Variants in ANKRD27 observed in about 807,000 individuals in gnomAD.
ANKRD27 encodes ankyrin repeat domain 27.
Under a neutral mutation model 129.7 loss-of-function variants are expected in ANKRD27, and 112 were observed. That is an observed-to-expected ratio of 0.86 (90% CI 0.74 to 1.01). ANKRD27 has a LOEUF of 1.01. Among genes scored for constraint, ANKRD27 ranks in the 50% least tolerant of loss-of-function variants. ANKRD27 has a pLI of 0.00. For synonymous variants in ANKRD27, 516 were observed against 511.2 expected, an observed-to-expected ratio of 1.01 and a Z score of -0.13; for missense variants, 1,258 against 1,300.5, an observed-to-expected ratio of 0.97 and a Z score of 0.50.
intron 1 of ANKRD27, among the ~76,000 whole-genome samples, chr19:32,662,210 G>T (rs982720356): frequency 6.7e-6 from 1 of 149,630 alleles, no homozygotes; most frequent in Admixed American, 6.8e-5. Context: ...TGCCTGGGAG[G>T]CTGAGGCAAA....
chr19:32,651,428 G>A (rs963237872), intron 2 of ANKRD27, among the ~76,000 whole-genome samples: 1 of 152,050 alleles, frequency 6.6e-6, no homozygotes. Context: ...GGAGTGCAGT[G>A]GCGTGATCTC....
At chr19:32,633,676 T>A (rs1967040849) in intron 12 of ANKRD27, among the ~76,000 whole-genome samples, 1 of 151,756 alleles carries the variant, frequency 6.6e-6, no homozygotes. Flanking sequence ...AACTCTAGAG[T>A]CATCCCAGTA....
In ANKRD27 at chr19:32,600,309, G is replaced by A. The variant is rs1599729846; in HGVS notation, c.2768-259C>T. On this transcript the variant is annotated intron_variant, in intron 26 of 28. Transcript: ENST00000306065. ...AATCCCAGCAGTTTGGGAGGCCGAG[G>A]TGGGCATATCACTTGAGGTCAGGAG... 4.1e-5 allele frequency: 13 copies of A among 317,380 alleles called. No homozygotes were observed. The South Asian group carries it at 4.7e-4, about 11-fold the overall frequency. 19.7% of individuals were successfully genotyped at this position (317,380 alleles called of 1,614,324 possible). A position where few individuals can be genotyped will look rare whatever the true frequency, so the allele number is the denominator to read the frequency against.
intron 24 of ANKRD27, among the ~76,000 whole-genome samples, chr19:32,605,497 T>G (rs2145258637): frequency 6.6e-6 from 1 of 152,306 alleles, no homozygotes; most frequent in African/African-American, 2.4e-5. Flanking sequence ...TTCTAATGCA[T>G]TCACATAACC....
intron 20 of ANKRD27, among the ~76,000 whole-genome samples, chr19:32,618,707 C>T (rs916134446): frequency 1.3e-5 from 2 of 151,994 alleles, no homozygotes; most frequent in Admixed American, 6.6e-5. Context: ...GGGGGGCCAT[C>T]GAAGGTGGTA....
intron 15 of ANKRD27, among the ~76,000 whole-genome samples, chr19:32,627,638 T>A: frequency 6.6e-6 from 1 of 152,156 alleles, no homozygotes; most frequent in Non-Finnish European, 1.5e-5. Context: ...CCTCAAGTGA[T>A]TTGCCTGCCT....
intron 25 of ANKRD27, 59 bp from the exon 26 acceptor site, chr19:32,602,185 A>G (rs1971663879): frequency 9.0e-7 from 1 of 1,114,568 alleles, no homozygotes; most frequent in East Asian, 2.4e-5. Context: ...ATAGGTTATT[A>G]TTTGTTTTTG....
intron 22 of ANKRD27, 54 bp downstream of exon 22, chr19:32,615,604 A>G: frequency 1.2e-6 from 2 of 1,613,750 alleles, no homozygotes; most frequent in East Asian, 2.2e-5. Flanking sequence ...AACAAAAACA[A>G]AAACAAAAAT....
chr19:32,649,848 A>C (rs1390973360), intron 2 of ANKRD27, 56 bp from the exon 3 acceptor site: 36 of 1,181,398 alleles, frequency 3.0e-5, no homozygotes, highest in Non-Finnish European at 1.3e-6. Context: ...CCACCTCAGC[A>C]GAACAAGGTG....
At chr19:32,630,556 T>C (rs1386597842) in intron 13 of ANKRD27, among the ~76,000 whole-genome samples, 1 of 152,194 alleles carries the variant, frequency 6.6e-6, no homozygotes, top group Admixed American at 6.5e-5. Flanking sequence ...ATTAGTAGTA[T>C]TGCGAGGAAC....
intron 22 of ANKRD27, among the ~76,000 whole-genome samples, chr19:32,609,327 G>C (rs1489908386): frequency 1.3e-5 from 2 of 151,990 alleles, no homozygotes; most frequent in East Asian, 3.9e-4. Context: ...GTAACTCCTA[G>C]GTGTTTACCC....
chr19:32,661,181 A>C (rs1350549930), intron 1 of ANKRD27, among the ~76,000 whole-genome samples: 2 of 147,196 alleles, frequency 1.4e-5, no homozygotes, highest in Non-Finnish European at 3.0e-5. Flanking sequence ...ACCCTGTGTG[A>C]TGGTGCAAGA....
At chr19:32,619,632 C>T (rs1971978089) in intron 18 of ANKRD27, 79 bp from the exon 19 acceptor site, 2 of 1,536,722 alleles carry the variant, frequency 1.3e-6, no homozygotes, top group Non-Finnish European at 9.0e-7. Context: ...CCACACGCCC[C>T]ACTGCCGGCC....
At chr19:32,611,856 C>A (rs1425166622) in intron 22 of ANKRD27, among the ~76,000 whole-genome samples, 1 of 152,206 alleles carries the variant, frequency 6.6e-6, no homozygotes, top group South Asian at 2.1e-4. Context: ...GCTGGGATTA[C>A]AGGCGTGAGC....
chr19:32,667,537 G>A (rs748879006), intron 1 of ANKRD27, among the ~76,000 whole-genome samples: 1 of 152,074 alleles, frequency 6.6e-6, no homozygotes, highest in Non-Finnish European at 1.5e-5. Context: ...CACTTCCAAC[G>A]AAGAGAAGAT....
intron 2 of ANKRD27, among the ~76,000 whole-genome samples, chr19:32,653,821 G>A (rs1043959234): frequency 6.6e-6 from 1 of 152,232 alleles, no homozygotes; most frequent in African/African-American, 2.4e-5. Context: ...AGGGCCACAT[G>A]GAGATGAGGC....
Position 32,646,553 on chromosome 19 carries a change from C to T in ANKRD27, c.276G>A (p.Val92=), listed in dbSNP as rs764955540. ...LGAGFACLLS[V]PILFEETFYN... ...AGAAAGTTTCTTCAAAGAGAATGGG[C>T]ACTGAGAGAAGACAGGCAAAACCAG... Residue 92 remains valine, a synonymous_variant, in exon 4 of 29, where the codon GTG becomes GTA. Transcript: ENST00000306065. The T allele has an allele frequency of 6.2e-7, 1 of 1,614,090 alleles. No individual in the cohort carries two copies.
At chr19:32,642,602 G>A (rs551336200) in intron 9 of ANKRD27, among the ~76,000 whole-genome samples, 5 of 152,244 alleles carry the variant, frequency 3.3e-5, no homozygotes, top group African/African-American at 9.6e-5. Flanking sequence ...GCAGGGCATG[G>A]TAGTGTGCAC....
At chr19:32,613,869 C>T (rs888198842) in intron 22 of ANKRD27, among the ~76,000 whole-genome samples, 7 of 151,960 alleles carry the variant, frequency 4.6e-5, no homozygotes, top group South Asian at 4.1e-4. Flanking sequence ...CCACCACGCC[C>T]AGCTAATTTT....
Sources: allele counts gnomAD v4.1 joint callset (sites outside exome capture counted in the v4.1 genomes callset), GRCh38; gene constraint gnomAD v4.1.1; transcripts MANE v1.5; gene names NCBI Gene and HGNC (gene_info 2026-07-23, HGNC 2026-07-21).